Variants in CDH12 observed in about 807,000 individuals in gnomAD.
CDH12 encodes cadherin-12.
In CDH12, 41 loss-of-function variants were observed where a neutral mutation model predicts 74.1. The ratio of observed to expected loss-of-function variants is 0.55; its 90% CI spans 0.43 to 0.72. The LOEUF (loss-of-function observed/expected upper bound fraction) is 0.72. Ranked by LOEUF, CDH12 falls within the 30% of genes least tolerant of loss-of-function variation. The pLI is 0.00. For synonymous variants in CDH12, 399 were observed against 355.0 expected (o/e 1.12, Z -1.39); for missense variants, 945 against 977.2 (o/e 0.97, Z 0.44).
chr5:22,507,292 A>C (rs1233006590), intron 1 of CDH12, among the ~76,000 whole-genome samples: 5 of 152,106 alleles, frequency 3.3e-5, no homozygotes, highest in African/African-American at 1.2e-4. Context: ...GTTTTCATAT[A>C]ATTCATTTTT....
At chr5:21,948,609 G>A (rs570216239) in intron 6 of CDH12, among the ~76,000 whole-genome samples, 1 of 152,044 alleles carries the variant, frequency 6.6e-6, no homozygotes, top group Non-Finnish European at 1.5e-5. Flanking sequence ...ACTGTGGGCT[G>A]TTGAGTTACT....
At chr5:22,059,361 A>ATCTG (rs1311780791) in intron 5 of CDH12, among the ~76,000 whole-genome samples, 1 of 125,502 alleles carries the variant, frequency 8.0e-6, no homozygotes, top group Non-Finnish European at 1.6e-5. Context: ...CTATCTATCT[A>ATCTG]TCTATCTATC....
chr5:21,980,169 C>T (rs973948073), intron 5 of CDH12, among the ~76,000 whole-genome samples: 11 of 149,982 alleles, frequency 7.3e-5, no homozygotes, highest in African/African-American at 2.7e-4. Context: ...AACATACATA[C>T]ATATATGTAT....
intron 3 of CDH12, among the ~76,000 whole-genome samples, chr5:22,303,348 C>G (rs1737970799): frequency 6.6e-6 from 1 of 151,760 alleles, no homozygotes; most frequent in South Asian, 2.1e-4. Flanking sequence ...AATTAAATAG[C>G]TTTTATTAAT....
At chr5:22,516,082 T>C (rs1245605260) in intron 1 of CDH12, among the ~76,000 whole-genome samples, 2 of 152,128 alleles carry the variant, frequency 1.3e-5, no homozygotes, top group Non-Finnish European at 2.9e-5. Context: ...AACTGATTAG[T>C]AAAGAAAGCA....
chr5:22,612,992 C>T (rs534957983), intron 1 of CDH12, among the ~76,000 whole-genome samples: 1 of 152,116 alleles, frequency 6.6e-6, no homozygotes, highest in Non-Finnish European at 1.5e-5. Context: ...ACAAATGTTT[C>T]CTTATTCACT....
intron 3 of CDH12, among the ~76,000 whole-genome samples, chr5:22,249,675 A>T (rs1280539362): frequency 1.3e-5 from 2 of 152,218 alleles, no homozygotes; most frequent in African/African-American, 2.4e-5. Flanking sequence ...AGGATAAAAA[A>T]CACAAACATA....
At chr5:22,449,075 T>TATAA (rs1554041524) in intron 2 of CDH12, among the ~76,000 whole-genome samples, 14 of 151,996 alleles carry the variant, frequency 9.2e-5, no homozygotes, top group Non-Finnish European at 1.9e-4. Context: ...TATATATATA[T>TATAA]AATGCCTTGA....
chr5:22,729,416 C>G (rs1348712672), intron 1 of CDH12, among the ~76,000 whole-genome samples: 1 of 151,812 alleles, frequency 6.6e-6, no homozygotes, highest in African/African-American at 2.4e-5. Flanking sequence ...CATTGCACTA[C>G]CTGGGTAAGC....
intron 6 of CDH12, among the ~76,000 whole-genome samples, chr5:21,899,752 T>C (rs1753296155): frequency 1.3e-5 from 2 of 151,784 alleles, no homozygotes; most frequent in African/African-American, 2.4e-5. Flanking sequence ...GTAATAACAA[T>C]TATTAATATA....
intron 3 of CDH12, among the ~76,000 whole-genome samples, chr5:22,242,880 A>T (rs965940068): frequency 2.0e-5 from 3 of 152,102 alleles, no homozygotes; most frequent in African/African-American, 4.8e-5. Context: ...GATAAAGTCA[A>T]CTTCTTTTCT....
rs907297266 is a variant in CDH12, at chr5:22,581,995, C to T, written c.-522-76631G>A. On this transcript the variant is annotated intron_variant, in intron 1 of 14. Coordinates refer to ENST00000382254, the MANE Select transcript of CDH12 (RefSeq NM_004061.5). ...TTTCTGAGAACATTGTAACTCACGG[C>T]ACATTTTATGAGAGTAAGGGTAGAG... Among the ~76,000 whole-genome samples the T allele has an allele frequency of 7.9e-5, 12 of 152,204 alleles. 1 individual carries two copies. In the South Asian group the frequency reaches 2.5e-3, roughly 32 times the overall value.
rs569918881 is a variant in CDH12, at chr5:22,327,298, T to TA, written c.-333+77958dup. Among the ~76,000 whole-genome samples, 8 of 152,058 alleles carry TA rather than the reference T, an allele frequency of 5.3e-5. No individual in the cohort carries two copies. In the East Asian group the frequency reaches 9.6e-4, roughly 18 times the overall value. ...CAAAGACACAAAGTCATTTTTATTA[T>TA]AAAAAAATAAACAAAAATGTCATCA... is the stretch of plus-strand genomic sequence containing the variant. On this transcript the variant is annotated intron_variant, in intron 3 of 14. Coordinates refer to ENST00000382254, the MANE Select transcript of CDH12 (RefSeq NM_004061.5).
intron 8 of CDH12, among the ~76,000 whole-genome samples, chr5:21,825,910 G>A (rs2149958929): frequency 6.6e-6 from 1 of 152,278 alleles, no homozygotes; most frequent in South Asian, 2.1e-4. Flanking sequence ...CTCAAACTTG[G>A]TTGCATTTTG....
intron 1 of CDH12, among the ~76,000 whole-genome samples, chr5:22,731,961 A>G (rs2127004650): frequency 6.6e-6 from 1 of 152,000 alleles, no homozygotes; most frequent in East Asian, 1.9e-4. Flanking sequence ...TAGCAACAAT[A>G]ATGAAGGAAA....
At chr5:22,708,407 T>C (rs1743127657) in intron 1 of CDH12, among the ~76,000 whole-genome samples, 2 of 152,122 alleles carry the variant, frequency 1.3e-5, no homozygotes, top group African/African-American at 4.8e-5. Flanking sequence ...GCTGAGAAAT[T>C]CTAGTAGGGA....
intron 4 of CDH12, among the ~76,000 whole-genome samples, chr5:22,114,570 T>C (rs536727048): frequency 2.6e-5 from 4 of 152,192 alleles, no homozygotes; most frequent in Middle Eastern, 3.2e-3. Flanking sequence ...AACAATATTT[T>C]GTAACAACTG....
At chr5:22,341,190 A>G (rs1307540271) in intron 3 of CDH12, among the ~76,000 whole-genome samples, 1 of 152,212 alleles carries the variant, frequency 6.6e-6, no homozygotes, top group African/African-American at 2.4e-5. Context: ...ACAAACAGAT[A>G]TTCTTTTAAC....
chr5:22,781,306 T>C (rs1206124200), intron 1 of CDH12, among the ~76,000 whole-genome samples: 2 of 152,216 alleles, frequency 1.3e-5, no homozygotes, highest in Admixed American at 6.5e-5. Flanking sequence ...TATTTTTGCA[T>C]GGTCTAGAAT....
Sources: gnomAD v4.1 joint callset for allele counts (sites outside exome capture counted in the v4.1 genomes callset) on GRCh38, gnomAD v4.1.1 for gene constraint, MANE v1.5 for transcripts, NCBI Gene and HGNC (gene_info 2026-07-23, HGNC 2026-07-21) for gene names.